The following GSN variants were observed in gnomAD, a reference collection of about 807,000 sequenced individuals.
The protein encoded by GSN is gelsolin, also known as actin-depolymerizing factor.
A neutral mutation model predicts 85.7 loss-of-function variants in GSN; 56 were observed. That is an observed-to-expected ratio of 0.65 (90% CI 0.53 to 0.82). The LOEUF is 0.82. Ranked by LOEUF, GSN falls within the 40% of genes least tolerant of loss-of-function variation. The pLI is 0.00. For missense variants in GSN, 857 were observed against 979.8 expected (o/e 0.87, Z 1.67); for synonymous variants, 373 against 399.1 (o/e 0.93, Z 0.78).
chr9:121,227,723 G>C (rs1258257537), intron 4 of GSN, among the ~76,000 whole-genome samples: 3 of 152,170 alleles, frequency 2.0e-5, no homozygotes, highest in African/African-American at 7.2e-5. Context: ...ATTGGTGTCA[G>C]ACTGTTGTGT....
the GSN span, among the ~76,000 whole-genome samples, chr9:121,202,257 G>A: frequency 6.6e-6 from 1 of 152,240 alleles, no homozygotes; most frequent in Non-Finnish European, 1.5e-5. Flanking sequence ...GACGCTTACC[G>A]TATACTGGCC....
At chr9:121,287,619 CCACAGGGAGCGCCCTT>C (rs941147531) in intron 2 of GSN, among the ~76,000 whole-genome samples, 2 of 152,100 alleles carry the variant, frequency 1.3e-5, no homozygotes, top group African/African-American at 4.8e-5. Context: ...CTTCACTGAC[CCACAGGGAGCGCCCTT>C]CTCTTGCAGA....
intron 5 of GSN, chr9:121,312,131 C>T: frequency 1.8e-6 from 1 of 556,678 alleles, no homozygotes. Context: ...AATTCCTGTC[C>T]TCAGACATGC....
upstream of GSN, among the ~76,000 whole-genome samples, chr9:121,203,643 G>A (rs528094587): frequency 1.7e-4 from 26 of 152,294 alleles, no homozygotes; most frequent in African/African-American, 5.5e-4. Flanking sequence ...GTGTGTGCCA[G>A]TTTGTACATC....
At chr9:121,264,392 C>T (rs2055155199), upstream of GSN, among the ~76,000 whole-genome samples, 1 of 152,098 alleles carries the variant, frequency 6.6e-6, no homozygotes, top group South Asian at 2.1e-4. Flanking sequence ...GTCAAGGCTG[C>T]AGGAAGCCAT....
chr9:121,278,208 T>C (rs2132516093), intron 1 of GSN, among the ~76,000 whole-genome samples: 1 of 152,322 alleles, frequency 6.6e-6, no homozygotes, highest in South Asian at 2.1e-4. Flanking sequence ...TGAGCTTGTG[T>C]CCTAGCTTCA....
chr9:121,263,830 G>A (rs953201436), upstream of GSN, among the ~76,000 whole-genome samples: 3 of 150,802 alleles, frequency 2.0e-5, no homozygotes, highest in South Asian at 2.1e-4. Context: ...TGGAGGTTGC[G>A]GTGAACCGAG....
intron 2 of GSN, chr9:121,301,761 G>A (rs897792124): frequency 1.1e-5 from 8 of 740,994 alleles, no homozygotes; most frequent in Admixed American, 4.3e-5. Flanking sequence ...CCAGGGCACA[G>A]GTTTTGAAGC....
chr9:121,302,981 C>T lies in GSN; in HGVS notation c.267C>T (p.Asn89=), dbSNP rs965919012. Residue 89 remains asparagine, a synonymous_variant, in exon 4 of 18, where the codon AAC becomes AAT. Transcript: ENST00000432226. ...CCGTGCAGCTGGATGACTACCTGAA[C>T]GGCCGGGCCGTGCAGCACCGTGAGG... ...IFTVQLDDYL[N]GRAVQHREVQ... 1.5e-5 allele frequency: 24 copies of T among 1,613,952 alleles called. No individual in the cohort carries two copies. The East Asian group carries it at 2.9e-4, about 19-fold the overall frequency.
intron 5 of GSN, chr9:121,239,209 T>G: frequency 3.0e-6 from 1 of 337,966 alleles, no homozygotes; most frequent in Non-Finnish European, 5.8e-6. Flanking sequence ...TGTAGAAACC[T>G]CTTGAAGTGC....
At chr9:121,295,138 G>A (rs750483267) in intron 2 of GSN, among the ~76,000 whole-genome samples, 1 of 152,170 alleles carries the variant, frequency 6.6e-6, no homozygotes, top group African/African-American at 2.4e-5. Context: ...TACTTTTGGC[G>A]AGCTCCTGTG....
intron 2 of GSN, among the ~76,000 whole-genome samples, chr9:121,293,073 C>T (rs2058844990): frequency 6.6e-6 from 1 of 152,170 alleles, no homozygotes; most frequent in African/African-American, 2.4e-5. Flanking sequence ...TTGTTTGAAG[C>T]CAGCAGCAGG....
At position 121,239,507 on chromosome 9, in the gene GSN, G is replaced by C. The variant is rs755886729; in HGVS notation, c.-389+8204G>C. On this transcript the variant is annotated intron_variant, in intron 5 of 24. Transcript: ENST00000373823. ...TTGGATTCATTTAGCAAACCAGTCT[G>C]GTGGCAGATTTGAGCTGCAATCTTT... is the stretch of plus-strand genomic sequence containing the variant. 1.9e-4 allele frequency: 58 copies of C among 308,274 alleles called. 2 individuals are homozygous for C. The Middle Eastern group carries it at 2.9e-3, about 16-fold the overall frequency. 19.1% of individuals were successfully genotyped at this position (308,274 alleles called of 1,614,324 possible). A position where few individuals can be genotyped will look rare whatever the true frequency, so the allele number is the denominator to read the frequency against.
chr9:121,282,813 A>G (rs1255629236), intron 2 of GSN: 4 of 363,694 alleles, frequency 1.1e-5, no homozygotes, highest in African/African-American at 8.4e-5. Context: ...AAAGAATGTT[A>G]TGCTCTGTTG....
rs181786811 is a variant in GSN, at chr9:121,255,644, T to C, written c.-341+7321T>C. 5.3e-5 allele frequency among the ~76,000 whole-genome samples: 8 copies of C among 152,344 alleles called. No individual in the cohort carries two copies. In the East Asian group the frequency reaches 1.2e-3, roughly 22 times the overall value. Reference sequence around the variant, plus strand: ...TGCCCCCATTTTACTACATAAGGATTTCCACTTTCTTTGTTTATAATGGAA... The same window carrying C: ...TGCCCCCATTTTACTACATAAGGATCTCCACTTTCTTTGTTTATAATGGAA... On this transcript the variant is annotated intron_variant, in intron 6 of 24. Transcript: ENST00000373823.
At chr9:121,254,792 A>G (rs960051468) in intron 6 of GSN, among the ~76,000 whole-genome samples, 1 of 152,218 alleles carries the variant, frequency 6.6e-6, no homozygotes, top group Admixed American at 6.5e-5. Context: ...CAAAAGCAAC[A>G]AAAGGATATA....
intron 2 of GSN, among the ~76,000 whole-genome samples, chr9:121,301,710 A>G (rs2059879802): frequency 6.6e-6 from 1 of 152,112 alleles, no homozygotes; most frequent in Non-Finnish European, 1.5e-5. Flanking sequence ...CCATCACCAG[A>G]AAAAGCTGAA....
chr9:121,225,121 AT>A (rs1242196534), intron 4 of GSN, among the ~76,000 whole-genome samples: 1 of 152,186 alleles, frequency 6.6e-6, no homozygotes, highest in Non-Finnish European at 1.5e-5. Context: ...GCCCAGCCAA[AT>A]GTAAAATAAA....
chr9:121,240,570 A>G (rs2054584456), intron 5 of GSN, among the ~76,000 whole-genome samples: 2 of 152,208 alleles, frequency 1.3e-5, no homozygotes, highest in Admixed American at 6.5e-5. Flanking sequence ...CTGGCCAAGT[A>G]TCCTTTTTCT....
Sources: allele counts gnomAD v4.1 joint callset (sites outside exome capture counted in the v4.1 genomes callset), GRCh38; gene constraint gnomAD v4.1.1; transcripts MANE v1.5; gene names NCBI Gene and HGNC (gene_info 2026-07-23, HGNC 2026-07-21).